The following CCDC3 variants were observed in gnomAD, a reference collection of about 807,000 sequenced individuals.
CCDC3 encodes coiled-coil domain-containing protein 3.
A neutral mutation model predicts 21.4 loss-of-function variants in CCDC3; 24 were observed. The ratio of observed to expected loss-of-function variants is 1.12; its 90% CI spans 0.81 to 1.58. The LOEUF (loss-of-function observed/expected upper bound fraction) is 1.58. CCDC3 is among the 40% of genes most tolerant of loss of function. The pLI is 0.00. For synonymous variants in CCDC3, 186 were observed against 166.0 expected (o/e 1.12, Z -0.93); for missense variants, 425 against 360.9 (o/e 1.18, Z -1.44).
chr10:12,936,192 C>G (rs577649951), intron 2 of CCDC3, among the ~76,000 whole-genome samples: 153 of 152,242 alleles, frequency 1.0e-3, no homozygotes, highest in Admixed American at 2.2e-3. Context: ...TTTATTTCTC[C>G]ATCACTTTTG....
intron 2 of CCDC3, among the ~76,000 whole-genome samples, chr10:12,966,912 G>A (rs1339483068): frequency 6.6e-6 from 1 of 152,150 alleles, no homozygotes; most frequent in Non-Finnish European, 1.5e-5. Context: ...CAACAAACCT[G>A]GGAGGAAGGC....
At chr10:12,946,280 G>A (rs1300567707) in intron 2 of CCDC3, among the ~76,000 whole-genome samples, 1 of 152,220 alleles carries the variant, frequency 6.6e-6, no homozygotes. Flanking sequence ...CTGCGTCAAT[G>A]TCTGAGCATC....
intron 2 of CCDC3, among the ~76,000 whole-genome samples, chr10:12,921,882 A>G (rs1474988641): frequency 6.6e-6 from 1 of 152,178 alleles, no homozygotes; most frequent in Non-Finnish European, 1.5e-5. Context: ...AGATAGGACT[A>G]CAGGTGTGGG....
chr10:12,948,825 G>A lies in CCDC3; in HGVS notation c.549+49513C>T, dbSNP rs986909994. On this transcript the variant is annotated intron_variant, in intron 2 of 2. Coordinates refer to ENST00000378825, the MANE Select transcript of CCDC3 (RefSeq NM_031455.4). The stretch of plus-strand genomic sequence containing the variant: ...CGGCTCACTGCAAGCTCCACCTCCC[G>A]GGTTCACGCCATTCTCCTGCCTCAG... 9.1e-5 allele frequency among the ~76,000 whole-genome samples: 12 copies of A among 131,750 alleles called. No homozygotes were observed. In the South Asian group the frequency reaches 1.6e-3, roughly 17 times the overall value. The allele number at this position is 131,750 out of a possible 152,430, so 86.4% of individuals were successfully genotyped here.
intron 3 of CCDC3, among the ~76,000 whole-genome samples, chr10:13,093,899 G>T (rs956819931): frequency 2.4e-4 from 36 of 152,208 alleles, no homozygotes; most frequent in African/African-American, 8.2e-4. Flanking sequence ...CCTCAGGCAT[G>T]CAAAGAAGAT....
At chr10:12,907,713 A>G (rs1376043638) in intron 2 of CCDC3, among the ~76,000 whole-genome samples, 1 of 152,136 alleles carries the variant, frequency 6.6e-6, no homozygotes, top group Non-Finnish European at 1.5e-5. Context: ...GGATTTAAGG[A>G]GCCCTGAACT....
At chr10:12,990,679 T>G (rs1359170957) in intron 2 of CCDC3, among the ~76,000 whole-genome samples, 3 of 152,172 alleles carry the variant, frequency 2.0e-5, no homozygotes, top group African/African-American at 7.2e-5. Flanking sequence ...CTTTCCCCCA[T>G]CAGATCAATA....
At chr10:13,058,107 T>C in intron 4 of CCDC3, 1 of 804,394 alleles carries the variant, frequency 1.2e-6, no homozygotes, top group Non-Finnish European at 2.2e-6. Flanking sequence ...ACTTCTGCAA[T>C]AAATTCCTTG....
At chr10:13,028,157 C>A (rs1309537541) in intron 5 of CCDC3, among the ~76,000 whole-genome samples, 1 of 152,046 alleles carries the variant, frequency 6.6e-6, no homozygotes, top group African/African-American at 2.4e-5. Context: ...TGAGAGGGAC[C>A]CAGTGGGAGG....
chr10:13,044,623 T>C (rs1836500626), intron 5 of CCDC3, among the ~76,000 whole-genome samples: 1 of 152,182 alleles, frequency 6.6e-6, no homozygotes, highest in Admixed American at 6.5e-5. Context: ...ATTGCTTATT[T>C]TTGTTGACTT....
chr10:13,082,563 T>C (rs1400881455), intron 3 of CCDC3, among the ~76,000 whole-genome samples: 1 of 152,138 alleles, frequency 6.6e-6, no homozygotes, highest in African/African-American at 2.4e-5. Context: ...GAGCAGAGTC[T>C]TCTCTAACTC....
At chr10:12,981,960 T>C (rs1007771699) in intron 2 of CCDC3, among the ~76,000 whole-genome samples, 1 of 151,142 alleles carries the variant, frequency 6.6e-6, no homozygotes, top group Non-Finnish European at 1.5e-5. Context: ...CTGTCTTTAC[T>C]AAAAATACAA....
chr10:12,989,578 C>T (rs1835650288), intron 2 of CCDC3, among the ~76,000 whole-genome samples: 1 of 152,118 alleles, frequency 6.6e-6, no homozygotes, highest in African/African-American at 2.4e-5. Context: ...CGTGCCACCA[C>T]ACCTGGCTAA....
chr10:12,899,089 G>A (rs1231731529), intron 2 of CCDC3, among the ~76,000 whole-genome samples: 1 of 152,042 alleles, frequency 6.6e-6, no homozygotes, highest in African/African-American at 2.4e-5. Flanking sequence ...ACTTACATTC[G>A]CGAAGGCTCT....
At chr10:12,962,482 A>G (rs1835194227) in intron 2 of CCDC3, among the ~76,000 whole-genome samples, 1 of 151,908 alleles carries the variant, frequency 6.6e-6, no homozygotes, top group Non-Finnish European at 1.5e-5. Flanking sequence ...AGGTGCCTGT[A>G]GTCCCAGCTA....
chr10:13,048,751 T>C (rs1231559653), intron 5 of CCDC3, among the ~76,000 whole-genome samples: 1 of 151,936 alleles, frequency 6.6e-6, no homozygotes, highest in Admixed American at 6.6e-5. Flanking sequence ...TGGTCATCAA[T>C]AGTATGGTGC....
intron 2 of CCDC3, among the ~76,000 whole-genome samples, chr10:12,981,983 C>T (rs1355605527): frequency 4.0e-5 from 6 of 151,464 alleles, no homozygotes; most frequent in African/African-American, 9.7e-5. Context: ...ATTAGCTGGG[C>T]GTGGTGGCAT....
intron 3 of CCDC3, among the ~76,000 whole-genome samples, chr10:13,080,218 C>A (rs563102809): frequency 1.3e-5 from 2 of 151,352 alleles, no homozygotes; most frequent in African/African-American, 2.4e-5. Flanking sequence ...AGAGCGAGAG[C>A]GAGCAAATGA....
chr10:13,054,922 C>T (rs1358958524), intron 4 of CCDC3, among the ~76,000 whole-genome samples: 1 of 152,238 alleles, frequency 6.6e-6, no homozygotes, highest in Non-Finnish European at 1.5e-5. Flanking sequence ...CCGCCTTGGC[C>T]TCCTAAAGTG....
Sources: allele counts gnomAD v4.1 joint callset (sites outside exome capture counted in the v4.1 genomes callset), GRCh38; gene constraint gnomAD v4.1.1; transcripts MANE v1.5; gene names NCBI Gene and HGNC (gene_info 2026-07-23, HGNC 2026-07-21).